The following AXL variants were observed in gnomAD, a reference collection of about 807,000 sequenced individuals.
AXL encodes the protein tyrosine-protein kinase receptor UFO.
AXL carries 52 observed loss-of-function variants against 104.5 expected under a neutral mutation model. That is an observed-to-expected ratio of 0.50 (90% CI 0.40 to 0.63). AXL has a LOEUF of 0.63. AXL is among the 20% of genes least tolerant of loss of function. The probability of loss-of-function intolerance (pLI) is 0.00; values close to 1 mark genes in which losing one functional copy is unlikely to be tolerated. For synonymous variants in AXL, 455 were observed against 473.7 expected (o/e 0.96, Z 0.51); for missense variants, 1,024 against 1,188.5 (o/e 0.86, Z 2.04).
At chr19:41,227,379 T>G (rs1282803491) in intron 4 of AXL, among the ~76,000 whole-genome samples, 1 of 152,176 alleles carries the variant, frequency 6.6e-6, no homozygotes, top group Non-Finnish European at 1.5e-5. Context: ...TATATATGAT[T>G]ATCTTTTTCT....
intron 17 of AXL, 25 bp downstream of exon 17, chr19:41,253,733 C>CG (rs763729113): frequency 2.6e-6 from 4 of 1,537,676 alleles, no homozygotes; most frequent in East Asian, 2.3e-5. Context: ...GGGACCCCCC[C>CG]CCCCCAACTG....
intron 4 of AXL, among the ~76,000 whole-genome samples, chr19:41,222,970 G>A (rs1403854192): frequency 6.7e-6 from 1 of 149,230 alleles, no homozygotes; most frequent in Non-Finnish European, 1.5e-5. Context: ...CACTGGAAGG[G>A]ACAGGCCACA....
chr19:41,253,852 G>A, intron 17 of AXL, 144 bp downstream of exon 17: 1 of 663,240 alleles, frequency 1.5e-6, no homozygotes, highest in Admixed American at 2.5e-5. Context: ...CAGTAAGGGG[G>A]TCTGGGAAGG....
chr19:41,233,020 C>T (rs555869514), intron 6 of AXL, among the ~76,000 whole-genome samples: 19 of 151,840 alleles, frequency 1.3e-4, no homozygotes, highest in East Asian at 1.2e-3. Context: ...GACAGAGTCT[C>T]GCTCTGTTAC....
chr19:41,255,300 CTCTT>C (rs758012198), intron 17 of AXL, among the ~76,000 whole-genome samples: 24 of 151,722 alleles, frequency 1.6e-4, no homozygotes, highest in Admixed American at 5.9e-4. Context: ...TTCTTTTTTT[CTCTT>C]TCTTTCTTTT....
At chr19:41,236,631 AT>A (rs2034084082) in intron 6 of AXL, among the ~76,000 whole-genome samples, 1 of 151,046 alleles carries the variant, frequency 6.6e-6, no homozygotes, top group African/African-American at 2.4e-5. Context: ...AAATACGGCA[AT>A]TAGTCGGGCG....
intron 4 of AXL, among the ~76,000 whole-genome samples, chr19:41,230,217 GTC>G (rs1188346328): frequency 6.6e-6 from 1 of 151,320 alleles, no homozygotes; most frequent in Non-Finnish European, 1.5e-5. Flanking sequence ...ATGAGTATGT[GTC>G]TCTGGGGTGT....
intron 10 of AXL, among the ~76,000 whole-genome samples, chr19:41,241,359 A>G (rs2034177326): frequency 6.6e-6 from 1 of 152,012 alleles, no homozygotes; most frequent in Non-Finnish European, 1.5e-5. Flanking sequence ...CCTGGCCAAC[A>G]TTGGCGAAAA....
intron 10 of AXL, among the ~76,000 whole-genome samples, chr19:41,240,001 A>G (rs1599734522): frequency 6.6e-6 from 1 of 151,912 alleles, no homozygotes; most frequent in African/African-American, 2.4e-5. Flanking sequence ...GGGTGGGTCA[A>G]TGGATGAATA....
rs2122276709 is a variant in AXL at position 41,252,833 on chromosome 19, C to G, written c.1805-13C>G. 6.2e-7 allele frequency: 1 copy of G among 1,613,614 alleles called. No homozygotes were observed. On this transcript the variant is annotated splice_polypyrimidine_tract_variant and intron_variant, in intron 15 of 19. Transcript: ENST00000301178. ...TGCCCAGCAGGAGTGACAGGGCTAC[C>G]TGGGGGGCTCAGGTGTCTGTTTCCA...
At chr19:41,245,857 A>T (rs1206953981) in intron 12 of AXL, among the ~76,000 whole-genome samples, 1 of 152,156 alleles carries the variant, frequency 6.6e-6, no homozygotes, top group Non-Finnish European at 1.5e-5. Flanking sequence ...AAGGGCTGGG[A>T]AAGACATTTA....
intron 13 of AXL, 52 bp from the exon 14 acceptor site, chr19:41,248,691 T>G: frequency 1.2e-6 from 2 of 1,612,470 alleles, no homozygotes; most frequent in South Asian, 2.2e-5. Flanking sequence ...CTATAGGAAA[T>G]ACAGTCCCCA....
intron 1 of AXL, among the ~76,000 whole-genome samples, chr19:41,219,909 C>G (rs560030303): frequency 7.9e-5 from 12 of 151,940 alleles, no homozygotes; most frequent in South Asian, 2.1e-4. Context: ...ACACCACCCC[C>G]CTGACCCGCC....
chr19:41,250,459 T>G (rs2034344218), intron 14 of AXL, among the ~76,000 whole-genome samples: 1 of 152,186 alleles, frequency 6.6e-6, no homozygotes, highest in Non-Finnish European at 1.5e-5. Flanking sequence ...TTGTTTTGTT[T>G]TGAGGAGGAG....
At chr19:41,259,056 G>A (rs540900252) in intron 19 of AXL, among the ~76,000 whole-genome samples, 3 of 152,302 alleles carry the variant, frequency 2.0e-5, no homozygotes, top group South Asian at 4.1e-4. Flanking sequence ...GAGAAAGTGC[G>A]AGGAAGCCAC....
intron 8 of AXL, 121 bp from the exon 9 acceptor site, chr19:41,239,043 G>A: frequency 8.7e-7 from 1 of 1,145,754 alleles, no homozygotes; most frequent in Non-Finnish European, 1.2e-6. Flanking sequence ...GACGAGGAAG[G>A]ATGAGGAGTT....
intron 1 of AXL, among the ~76,000 whole-genome samples, chr19:41,219,692 G>C (rs570580458): frequency 4.0e-5 from 6 of 151,308 alleles, no homozygotes; most frequent in African/African-American, 9.7e-5. Context: ...TGAAGGGCAG[G>C]GGGGACAGAA....
At position 41,243,028 on chromosome 19, in the gene AXL, C is replaced by A. The variant is rs1406933270; in HGVS notation, c.1445+13C>A. 6.2e-7 allele frequency: 1 copy of A among 1,614,016 alleles called. No homozygotes were observed. The highest frequency in any genetic ancestry group is 1.3e-5 in the African/African-American group (1 of 74,932). ...AGACCCGTTATGGGTGAGTTGGAAC[C>A]ACATGGGGAGGCTGTGTGGCCTGGG... is the stretch of plus-strand genomic sequence containing the variant. On this transcript the variant is annotated intron_variant, in intron 11 of 19. Transcript: ENST00000301178.
At chr19:41,234,141 T>TG (rs1458594064) in intron 6 of AXL, among the ~76,000 whole-genome samples, 1 of 152,076 alleles carries the variant, frequency 6.6e-6, no homozygotes, top group Admixed American at 6.6e-5. Context: ...CTCATGGTGG[T>TG]GTCATCTCCC....
Sources: allele counts gnomAD v4.1 joint callset (sites outside exome capture counted in the v4.1 genomes callset), GRCh38; gene constraint gnomAD v4.1.1; transcripts MANE v1.5; gene names NCBI Gene and HGNC (gene_info 2026-07-23, HGNC 2026-07-21).